NR3C2: variants seen among roughly 807,000 people sequenced by gnomAD.
NR3C2 encodes the protein mineralocorticoid receptor.
NR3C2 carries 15 observed loss-of-function variants against 86.4 expected under a neutral mutation model. The ratio of observed to expected loss-of-function variants is 0.17; its 90% CI spans 0.12 to 0.27. The LOEUF (loss-of-function observed/expected upper bound fraction) is 0.27, where lower values mean the gene tolerates loss of function less well. Ranked by LOEUF, NR3C2 falls within the 10% of genes least tolerant of loss-of-function variation. The probability of loss-of-function intolerance (pLI) is 1.00; values close to 1 mark genes in which losing one functional copy is unlikely to be tolerated. For missense variants in NR3C2, 960 were observed against 1,195.6 expected, an observed-to-expected ratio of 0.80 and a Z score of 2.91; for synonymous variants, 458 against 450.5, an observed-to-expected ratio of 1.02 and a Z score of -0.21.
At chr4:148,129,743 G>A (rs545101721) in intron 6 of NR3C2, among the ~76,000 whole-genome samples, 56 of 152,118 alleles carry the variant, frequency 3.7e-4, no homozygotes, top group South Asian at 2.9e-3. Flanking sequence ...TTACAGGCGC[G>A]TGCCACCATG....
intron 3 of NR3C2, among the ~76,000 whole-genome samples, chr4:148,224,847 A>C (rs1279095245): frequency 2.0e-5 from 3 of 152,212 alleles, no homozygotes; most frequent in African/African-American, 7.2e-5. Flanking sequence ...GGATGAAGGA[A>C]ATTAACAAAT....
At chr4:148,437,824 A>G (rs1472032466) in intron 1 of NR3C2, among the ~76,000 whole-genome samples, 3 of 152,238 alleles carry the variant, frequency 2.0e-5, no homozygotes, top group African/African-American at 7.2e-5. Context: ...AGTGATAAAC[A>G]AAAGAGACAC....
chr4:148,109,308 G>T (rs1181437036), intron 8 of NR3C2, among the ~76,000 whole-genome samples: 3 of 152,166 alleles, frequency 2.0e-5, no homozygotes. Flanking sequence ...TGACCTCCAG[G>T]TGCTGTCTGG....
At chr4:148,389,061 G>T (rs1009632443) in intron 2 of NR3C2, among the ~76,000 whole-genome samples, 1 of 152,156 alleles carries the variant, frequency 6.6e-6, no homozygotes, top group Non-Finnish European at 1.5e-5. Flanking sequence ...TTAACTCAAT[G>T]TTCAACATAG....
intron 3 of NR3C2, among the ~76,000 whole-genome samples, chr4:148,197,898 T>C (rs1287286336): frequency 6.6e-6 from 1 of 152,170 alleles, no homozygotes; most frequent in African/African-American, 2.4e-5. Flanking sequence ...AACCAAAATC[T>C]GTCCAGTAGG....
intron 6 of NR3C2, among the ~76,000 whole-genome samples, chr4:148,136,118 CAAAA>C: frequency 7.5e-6 from 1 of 133,510 alleles, no homozygotes; most frequent in South Asian, 2.5e-4. Context: ...AAAAAACAAA[CAAAA>C]AAACTTTGTC....
chr4:148,178,891 G>C (rs574951237), intron 4 of NR3C2, among the ~76,000 whole-genome samples: 1 of 147,104 alleles, frequency 6.8e-6, no homozygotes, highest in South Asian at 2.2e-4. Flanking sequence ...CAACATGTTA[G>C]GACAAAGAGA....
At chr4:148,270,650 G>A (rs6826471) in intron 2 of NR3C2, among the ~76,000 whole-genome samples, 25,834 of 152,040 alleles carry the variant, frequency 0.17, 2,386 homozygotes, top group Admixed American at 0.21. Flanking sequence ...CATCAGTGAA[G>A]TCTTTTGGTA....
intron 8 of NR3C2, among the ~76,000 whole-genome samples, chr4:148,083,141 G>A (rs547001658): frequency 1.4e-3 from 207 of 152,312 alleles, no homozygotes; most frequent in Non-Finnish European, 2.3e-3. Context: ...GGGTGGCTGT[G>A]GGCACAGCTT....
intron 3 of NR3C2, among the ~76,000 whole-genome samples, chr4:148,197,855 T>C (rs534595906): frequency 2.0e-5 from 3 of 152,296 alleles, no homozygotes; most frequent in Non-Finnish European, 4.4e-5. Context: ...GTGTGTCTCA[T>C]TCCTTAATTC....
intron 2 of NR3C2, among the ~76,000 whole-genome samples, chr4:148,430,391 A>G (rs1749745459): frequency 6.6e-6 from 1 of 152,186 alleles, no homozygotes; most frequent in African/African-American, 2.4e-5. Context: ...TACACTGTAC[A>G]TAGTGATTTG....
At chr4:148,195,417 C>T (rs1388966716) in intron 3 of NR3C2, among the ~76,000 whole-genome samples, 1 of 152,168 alleles carries the variant, frequency 6.6e-6, no homozygotes, top group African/African-American at 2.4e-5. Flanking sequence ...TGTAGCCTAG[C>T]TTTATTAGTA....
intron 2 of NR3C2, among the ~76,000 whole-genome samples, chr4:148,277,339 T>C (rs569243519): frequency 6.6e-6 from 1 of 152,230 alleles, no homozygotes; most frequent in Admixed American, 6.5e-5. Context: ...ATAATGCACC[T>C]TCGAATCCTC....
intron 8 of NR3C2, among the ~76,000 whole-genome samples, chr4:148,087,965 T>C (rs2149707338): frequency 6.6e-6 from 1 of 152,118 alleles, no homozygotes; most frequent in Non-Finnish European, 1.5e-5. Context: ...TTGCAATCTA[T>C]CCATCTGACA....
intron 3 of NR3C2, among the ~76,000 whole-genome samples, chr4:148,228,760 T>C (rs144025228): frequency 1.3e-5 from 2 of 152,300 alleles, no homozygotes; most frequent in East Asian, 3.9e-4. Flanking sequence ...AATTTGAGTA[T>C]CTATTGTTTA....
At chr4:148,190,492 T>C (rs540232939) in intron 4 of NR3C2, among the ~76,000 whole-genome samples, 2 of 152,342 alleles carry the variant, frequency 1.3e-5, no homozygotes, top group Admixed American at 6.5e-5. Flanking sequence ...CGCTGTTGAA[T>C]AGAATGTGTA....
At chr4:148,294,822 A>T (rs1741967459) in intron 2 of NR3C2, among the ~76,000 whole-genome samples, 1 of 151,900 alleles carries the variant, frequency 6.6e-6, no homozygotes, top group Non-Finnish European at 1.5e-5. Flanking sequence ...ACAAAAAAAA[A>T]TAAAAAAAAT....
At chr4:148,275,027 C>T (rs923546740) in intron 2 of NR3C2, among the ~76,000 whole-genome samples, 4 of 152,008 alleles carry the variant, frequency 2.6e-5, no homozygotes, top group Non-Finnish European at 5.9e-5. Flanking sequence ...AGTGTGAAAA[C>T]GGACTAATAC....
In NR3C2 at chr4:148,318,342, C is replaced by G. The variant is rs1207575734; in HGVS notation, c.1758-58225G>C. ...ATAATGCCGCAATAAACATATGTGTCCATGTGTCTTTATAGCAGCATGATT... is the reference window on the plus strand; with the variant it reads ...ATAATGCCGCAATAAACATATGTGTGCATGTGTCTTTATAGCAGCATGATT... On this transcript the variant is annotated intron_variant, in intron 2 of 8. Coordinates refer to ENST00000358102, the MANE Select transcript of NR3C2 (RefSeq NM_000901.5). 5.9e-5 allele frequency among the ~76,000 whole-genome samples: 9 copies of G among 151,714 alleles called. No homozygotes were observed. In the East Asian group the frequency reaches 1.6e-3, roughly 26 times the overall value.
Sources: gnomAD v4.1 joint callset for allele counts (sites outside exome capture counted in the v4.1 genomes callset) on GRCh38, gnomAD v4.1.1 for gene constraint, MANE v1.5 for transcripts, NCBI Gene and HGNC (gene_info 2026-07-23, HGNC 2026-07-21) for gene names.